The following METTL1 variants were observed in gnomAD, a reference collection of about 807,000 sequenced individuals.
METTL1 encodes tRNA (guanine-N(7)-)-methyltransferase.
In METTL1, 14 loss-of-function variants were observed where a neutral mutation model predicts 27.7. The ratio of observed to expected loss-of-function variants is 0.51; its 90% CI spans 0.33 to 0.79. METTL1 has a LOEUF of 0.79. Among genes scored for constraint, METTL1 ranks in the 30% least tolerant of loss-of-function variants. METTL1 has a pLI of 0.02. For synonymous variants in METTL1, 138 were observed against 137.0 expected, an observed-to-expected ratio of 1.01 and a Z score of -0.05; for missense variants, 333 against 359.6, an observed-to-expected ratio of 0.93 and a Z score of 0.60.
rs1161046148 is a variant in METTL1, at chr12:57,769,297, A to C, written c.675+6T>G. ...GGCCTCCACCTCCTCTAGGTCCCCT[A>C]CTCACCAGGTCCTCCAGAGGCACAC... On this transcript the variant is annotated splice_donor_region_variant and intron_variant, in intron 5 of 5. Coordinates refer to ENST00000324871, the MANE Select transcript of METTL1 (RefSeq NM_005371.6). 6.2e-7 allele frequency: 1 copy of C among 1,613,690 alleles called. No homozygotes were observed. The highest frequency in any genetic ancestry group is 1.3e-5 in the African/African-American group (1 of 74,906).
chr12:57,771,597 G>C, intron 1 of METTL1: 2 of 1,535,324 alleles, frequency 1.3e-6, no homozygotes, highest in African/African-American at 2.7e-5. Context: ...CCTACTTTGT[G>C]TTTGTGCTCT....
At position 57,771,180 on chromosome 12, in the gene METTL1, T is replaced by G; in HGVS notation, c.188A>C (p.His63Pro). The part of the protein sequence containing the change: ...FFAPLTQNQS[H>P]DDPKDKKEKR... ...TTCTTTCTTATCCTTTGGGTCATCG[T>G]GGCTCTGATTTTGAGTGAGTGGAGC... Residue 63 changes from histidine (H) to proline (P), a missense_variant, in exon 2 of 6, where the codon CAC becomes CCC. His to Pro is a moderately conservative substitution (Grantham distance 77). Transcript: ENST00000324871. 6.2e-7 allele frequency: 1 copy of G among 1,614,234 alleles called. No individual in the cohort carries two copies. The highest frequency in any genetic ancestry group is 8.5e-7 in the Non-Finnish European group (1 of 1,180,046).
At chr12:57,770,882 C>T in intron 2 of METTL1, 1 of 513,254 alleles carries the variant, frequency 1.9e-6, no homozygotes. Flanking sequence ...AAAGGACAAC[C>T]CAGGTTTTAA....
At chr12:57,770,029 G>A (rs1457265523) in intron 2 of METTL1, 73 bp from the exon 3 acceptor site, 4 of 1,470,214 alleles carry the variant, frequency 2.7e-6, no homozygotes, top group Admixed American at 4.3e-5. Flanking sequence ...ACACAGGAAA[G>A]GAAGCCTCAA....
rs748946772 is a variant in METTL1, at chr12:57,769,788, A to C, written c.443T>G (p.Phe148Cys). 6.2e-7 allele frequency: 1 copy of C among 1,614,048 alleles called. No homozygotes were observed. The highest frequency in any genetic ancestry group is 8.5e-7 in the Non-Finnish European group (1 of 1,179,992). The change falls in exon 3 of 6, where the codon TTC (phenylalanine) becomes TGC (cysteine). Residue 148 changes from phenylalanine (F) to cysteine (C), a missense_variant. Coordinates refer to ENST00000324871, the MANE Select transcript of METTL1 (RefSeq NM_005371.6). Reference protein sequence around the residue: ...RSNAMKHLPNFFYKGQLTKMF... With the variant: ...RSNAMKHLPNCFYKGQLTKMF... ...CCTCCCCACCTGGCCCTTGTAGAAG[A>C]AGTTAGGAAGGTGCTTCATGGCATT...
rs1219840477 is a variant in METTL1, at chr12:57,768,816, C to CA, written c.*179dup. On this transcript the variant is annotated 3_prime_UTR_variant, in exon 6 of 6. Transcript: ENST00000324871. ...TTGTTTTCTGTTGGCAGTGGAGGGA[C>CA]AAGGTGAGAGGAGCCAGGGGTAGTC... 12 of 606,546 alleles carry CA rather than the reference C, an allele frequency of 2.0e-5. No individual in the cohort carries two copies. Among genetic ancestry groups the CA allele is most frequent in the Non-Finnish European group, 2.7e-5 (10 of 370,374 alleles). 37.6% of individuals were successfully genotyped at this position (606,546 alleles called of 1,614,324 possible).
At position 57,771,277 on chromosome 12, in the gene METTL1, A is replaced by G. The variant is rs1330162226; in HGVS notation, c.111-20T>C. On this transcript the variant is annotated intron_variant, in intron 1 of 5. Transcript: ENST00000324871. Reference sequence around the variant, plus strand: ...ACAGGGCTATTGGAAAGAAGACATAAGAAGCATGAGAAGGTTGGTCACACC... The same window carrying G: ...ACAGGGCTATTGGAAAGAAGACATAGGAAGCATGAGAAGGTTGGTCACACC... 1 of 1,584,112 alleles carries G rather than the reference A, an allele frequency of 6.3e-7. No individual in the cohort carries two copies. The highest frequency in any genetic ancestry group is 1.4e-5 in the African/African-American group (1 of 73,746).
At chr12:57,771,876 G>T in intron 1 of METTL1, 98 bp downstream of exon 1, 1 of 1,369,968 alleles carries the variant, frequency 7.3e-7, no homozygotes, top group South Asian at 1.5e-5. Context: ...TGATCCTCCC[G>T]GGTCTACCCC....
rs1955440190 is a variant in METTL1 at position 57,772,022 on chromosome 12, T to C, written c.62A>G (p.Tyr21Cys). 2 of 1,552,226 alleles carry C rather than the reference T, an allele frequency of 1.3e-6. No individual in the cohort carries two copies. The highest frequency in any genetic ancestry group is 1.7e-6 in the Non-Finnish European group (2 of 1,157,980). Residue 21 changes from tyrosine to cysteine, a missense_variant, in exon 1 of 6, where the codon TAC (tyrosine) becomes TGC (cysteine). Tyr to Cys is a radical substitution (Grantham distance 194). Transcript: ENST00000324871. The surrounding 1 kb of genome is among the most constrained non-coding windows in gnomAD (Gnocchi z 4.1). The stretch of plus-strand genomic sequence containing the variant: ...GGGGTTGGAGTGAGCACGTTGCCGG[T>C]AGTAGCGCTTCTGGGGCGGTGGGGC... ...AEAPPPQKRY[Y>C]RQRAHSNPMA...
intron 1 of METTL1, 128 bp downstream of exon 1, chr12:57,771,845 CA>C: frequency 1.6e-6 from 2 of 1,229,590 alleles, no homozygotes; most frequent in East Asian, 2.8e-5. Flanking sequence ...GTCCCACCCC[CA>C]AAAACTGACG....
Position 57,769,136 on chromosome 12 carries a change from C to T in METTL1, c.691G>A (p.Val231Met). Residue 231 changes from valine (V) to methionine (M), a missense_variant, in exon 6 of 6, where the codon GTG becomes ATG. By Grantham distance (21) the Val-to-Met change is conservative. Coordinates refer to ENST00000324871, the MANE Select transcript of METTL1 (RefSeq NM_005371.6). The part of the protein sequence containing the change: ...PLEDLSEDPV[V>M]GHLGTSTEEG... ...TCAGTTGAGGTGCCTAGATGTCCCA[C>T]AACGGGGTCTTCACTCTGGGAGAAG... The T allele has an allele frequency of 6.2e-7, 1 of 1,603,310 alleles. No individual in the cohort carries two copies. The highest frequency in any genetic ancestry group is 2.2e-5 in the East Asian group (1 of 44,526).
chr12:57,769,089 A>C lies in METTL1; in HGVS notation c.738T>G (p.Arg246=). ...TGGCTGGGAAATTCTTCCCTCCATT[A>C]CGTAGAACTTTCTTCCCCTCCTCAG... ...TSTEEGKKVL[R]NGGKNFPAIF... Residue 246 remains arginine (R), a synonymous_variant, in exon 6 of 6, where the codon CGT becomes CGG. Transcript: ENST00000324871. 6.2e-7 allele frequency: 1 copy of C among 1,611,408 alleles called. No homozygotes were observed. Among genetic ancestry groups the C allele is most frequent in the East Asian group, 2.2e-5 (1 of 44,762 alleles).
intron 4 of METTL1, 30 bp from the exon 5 acceptor site, chr12:57,769,434 G>A (rs768429822): frequency 6.2e-7 from 1 of 1,611,590 alleles, no homozygotes; most frequent in South Asian, 1.1e-5. Context: ...CTAGACAGGA[G>A]GCTGCATGCA....
In METTL1 at chr12:57,768,956, A is replaced by C. The variant is rs703842; in HGVS notation, c.*40T>G. 1 of 1,582,064 alleles carries C rather than the reference A, an allele frequency of 6.3e-7. No homozygotes were observed. Among genetic ancestry groups the C allele is most frequent in the Non-Finnish European group, 8.6e-7 (1 of 1,156,446 alleles). On this transcript the variant is annotated 3_prime_UTR_variant, in exon 6 of 6. Transcript: ENST00000324871. The stretch of plus-strand genomic sequence containing the variant: ...CCCAGGACTCCTGCTCTTTTCTCTA[A>C]TCCCTGGGAGACGAGGTCCAGCTAA...
intron 1 of METTL1, chr12:57,771,576 T>G: frequency 2.0e-6 from 3 of 1,535,440 alleles, no homozygotes; most frequent in Non-Finnish European, 2.6e-6. Context: ...GGCTGCCTAA[T>G]GCACTGGGAT....
chr12:57,771,764 C>G, intron 1 of METTL1: 4 of 1,266,596 alleles, frequency 3.2e-6, no homozygotes, highest in Non-Finnish European at 4.2e-6. Flanking sequence ...CTTAGCACCG[C>G]TACCCAGACT....
intron 2 of METTL1, chr12:57,770,833 C>T (rs1254823010): frequency 2.7e-6 from 1 of 373,978 alleles, no homozygotes; most frequent in East Asian, 4.6e-5. Context: ...TGACCCGGAA[C>T]CTGGCAGATG....
At chr12:57,771,932 G>A in intron 1 of METTL1, 42 bp downstream of exon 1, 1 of 1,481,078 alleles carries the variant, frequency 6.8e-7, no homozygotes, top group Non-Finnish European at 8.9e-7. Flanking sequence ...CGGCTGCTTT[G>A]AGAATCCCGC....
rs538107807 is a variant in METTL1 at position 57,769,903 on chromosome 12, C to A, written c.328G>T (p.Val110Leu). ...TCTTGTACATAGTCTGAGACCTTCACCCGGATCTCCAGACCCAGAATAAGT... is the reference window on the plus strand; with the variant it reads ...TCTTGTACATAGTCTGAGACCTTCAACCGGATCTCCAGACCCAGAATAAGT... The part of the protein sequence containing the change: ...DTLILGLEIR[V>L]KVSDYVQDRI... Residue 110 changes from valine to leucine, a missense_variant, in exon 3 of 6, where the codon GTG becomes TTG. Val to Leu is a conservative substitution (Grantham distance 32). Coordinates refer to ENST00000324871, the MANE Select transcript of METTL1 (RefSeq NM_005371.6). 3 of 1,613,520 alleles carry A rather than the reference C, an allele frequency of 1.9e-6. No homozygotes were observed. Among genetic ancestry groups the A allele is most frequent in the South Asian group, 2.2e-5 (2 of 90,888 alleles).
Sources: allele counts gnomAD v4.1 joint callset, GRCh38; gene constraint gnomAD v4.1.1; non-coding constraint Gnocchi (gnomAD v3.1); transcripts MANE v1.5; gene names NCBI Gene and HGNC (gene_info 2026-07-23, HGNC 2026-07-21).